The following PRRX1 variants were observed in gnomAD, a reference collection of about 807,000 sequenced individuals.
PRRX1 encodes paired related homeobox 1.
PRRX1 carries 8 observed loss-of-function variants against 24.0 expected under a neutral mutation model. That is an observed-to-expected ratio of 0.33 (90% confidence interval 0.20 to 0.60). The LOEUF is 0.60. PRRX1 is among the 20% of genes least tolerant of loss of function. The pLI, the probability that PRRX1 is intolerant of heterozygous loss-of-function variation, is 0.82. For missense variants in PRRX1, 281 were observed against 322.4 expected (o/e 0.87, Z 0.98); for synonymous variants, 160 against 131.7 (o/e 1.22, Z -1.47).
intron 1 of PRRX1, among the ~76,000 whole-genome samples, chr1:170,686,237 T>A (rs1323617875): frequency 6.7e-6 from 1 of 149,804 alleles, no homozygotes; most frequent in Non-Finnish European, 1.5e-5. Flanking sequence ...AAAAATACTG[T>A]CTGGTGAGTG....
intron 1 of PRRX1, among the ~76,000 whole-genome samples, chr1:170,676,714 C>A (rs1216340663): frequency 6.6e-6 from 1 of 151,934 alleles, no homozygotes; most frequent in East Asian, 1.9e-4. Flanking sequence ...CTGCTCTGAC[C>A]CCATTTTATT....
chr1:170,687,832 G>T (rs779147850), intron 1 of PRRX1, among the ~76,000 whole-genome samples: 8 of 152,044 alleles, frequency 5.3e-5, no homozygotes, highest in Non-Finnish European at 1.2e-4. Flanking sequence ...GGACACTTTA[G>T]GTAACTAAAA....
At chr1:170,667,951 G>A (rs186580412) in intron 1 of PRRX1, 56 of 152,218 alleles carry the variant, frequency 3.7e-4, no homozygotes, top group African/African-American at 1.2e-3. Context: ...ATTCTCTAAA[G>A]TGAGGGCTTC....
chr1:170,737,025 C>G lies in PRRX1; in HGVS notation c.*839C>G, dbSNP rs1476644243. On this transcript the variant is annotated 3_prime_UTR_variant, in exon 4 of 4. Transcript: ENST00000239461. ...ACTATTTGGTAGAAGAAATATTTTT[C>G]ACCTGAGAGAGGAAGAGAAATTTCT... The G allele has an allele frequency of 5.2e-6, 1 of 191,394 alleles. No homozygotes were observed. The allele number at this position is 191,394 out of a possible 1,614,324, so 11.9% of individuals were successfully genotyped here.
intron 1 of PRRX1, among the ~76,000 whole-genome samples, chr1:170,686,302 C>G (rs1653739803): frequency 6.6e-6 from 1 of 151,992 alleles, no homozygotes. Flanking sequence ...CCTAAGAGGG[C>G]AAGAGCAAGC....
chr1:170,707,344 T>G (rs973901031), intron 1 of PRRX1, among the ~76,000 whole-genome samples: 1 of 151,978 alleles, frequency 6.6e-6, no homozygotes, highest in Non-Finnish European at 1.5e-5. Flanking sequence ...CCAGCAGGGG[T>G]CTGCAGAACA....
chr1:170,726,549 C>A, intron 3 of PRRX1, 148 bp downstream of exon 3: 1 of 991,780 alleles, frequency 1.0e-6, no homozygotes, highest in Non-Finnish European at 1.5e-6. Flanking sequence ...CCCACATTTT[C>A]CCAGGAGATT....
chr1:170,697,747 T>C (rs149413991), intron 1 of PRRX1, among the ~76,000 whole-genome samples: 2,706 of 147,410 alleles, frequency 0.018, 80 homozygotes, highest in African/African-American at 0.063. Context: ...TATAAATATA[T>C]ATACATATAT....
chr1:170,732,472 T>C (rs1655464391), intron 3 of PRRX1, among the ~76,000 whole-genome samples: 1 of 152,160 alleles, frequency 6.6e-6, no homozygotes, highest in Non-Finnish European at 1.5e-5. Context: ...AATTCTGTCT[T>C]TTCTGACTTG....
intron 1 of PRRX1, among the ~76,000 whole-genome samples, chr1:170,704,842 G>T (rs528266546): frequency 5.5e-4 from 84 of 152,316 alleles, no homozygotes; most frequent in African/African-American, 1.8e-3. Flanking sequence ...TCTCCTTTTG[G>T]AAGGGGCATC....
At chr1:170,706,492 T>C (rs1654571043) in intron 1 of PRRX1, among the ~76,000 whole-genome samples, 1 of 152,172 alleles carries the variant, frequency 6.6e-6, no homozygotes, top group South Asian at 2.1e-4. Context: ...ATTCTCAAGA[T>C]CACATGACTT....
At chr1:170,695,096 G>C (rs513287) in intron 1 of PRRX1, among the ~76,000 whole-genome samples, 1 of 151,886 alleles carries the variant, frequency 6.6e-6, no homozygotes, top group South Asian at 2.1e-4. Context: ...CTAAATGTCC[G>C]TGAAGGCCTG....
chr1:170,735,948 C>A, intron 3 of PRRX1, 100 bp from the exon 4 acceptor site: 1 of 1,518,510 alleles, frequency 6.6e-7, no homozygotes, highest in African/African-American at 1.4e-5. Context: ...ATTGCCCCTG[C>A]CTGCCCCCAT....
At chr1:170,693,282 T>C (rs565524405) in intron 1 of PRRX1, among the ~76,000 whole-genome samples, 80 of 152,206 alleles carry the variant, frequency 5.3e-4, no homozygotes, top group Non-Finnish European at 9.9e-4. Flanking sequence ...GTAGAAAGGT[T>C]CTAAATATAC....
In PRRX1 at chr1:170,692,110, G is replaced by A. The variant is rs146528227; in HGVS notation, c.242-27616G>A. On this transcript the variant is annotated intron_variant, in intron 1 of 3. Coordinates refer to ENST00000239461, the MANE Select transcript of PRRX1 (RefSeq NM_022716.4). The stretch of plus-strand genomic sequence containing the variant: ...AATATCAAATGGAAAGTCATGCCAT[G>A]AGAGAGGAGCCAATTCCATAATAAA... 2.6e-3 allele frequency among the ~76,000 whole-genome samples: 403 copies of A among 152,194 alleles called. 2 individuals are homozygous for A. Among genetic ancestry groups the A allele is most frequent in the African/African-American group, 9.4e-3 (390 of 41,556 alleles).
intron 1 of PRRX1, among the ~76,000 whole-genome samples, chr1:170,682,161 C>T (rs1160072192): frequency 1.3e-5 from 2 of 151,914 alleles, no homozygotes; most frequent in Non-Finnish European, 1.5e-5. Context: ...AAGGGATGGC[C>T]CTTCTCTCTT....
At chr1:170,705,935 TACACACACACACAC>T (rs71125270) in intron 1 of PRRX1, among the ~76,000 whole-genome samples, 6 of 146,538 alleles carry the variant, frequency 4.1e-5, no homozygotes, top group African/African-American at 1.5e-4. Flanking sequence ...CACACACACA[TACACACACACACAC>T]ACACACACAC....
chr1:170,728,957 T>A lies in PRRX1; in HGVS notation c.599+2556T>A, dbSNP rs569249441. 6 of 152,374 alleles carry A rather than the reference T, an allele frequency of 3.9e-5. No individual in the cohort carries two copies. In the South Asian group the frequency reaches 1.0e-3, roughly 26 times the overall value. 9.4% of individuals were successfully genotyped at this position (152,374 alleles called of 1,614,324 possible). On this transcript the variant is annotated intron_variant, in intron 3 of 3. Transcript: ENST00000239461. ...CTCACTGTTCTTGTTGGTACTATTA[T>A]GTCAAGTTAGTTATCTCACATGTGA...
At chr1:170,693,812 A>C (rs1654070364) in intron 1 of PRRX1, among the ~76,000 whole-genome samples, 1 of 152,078 alleles carries the variant, frequency 6.6e-6, no homozygotes, top group Admixed American at 6.6e-5. Context: ...TTCTCTAAGA[A>C]ATCTGATCCG....
Sources: allele counts gnomAD v4.1 joint callset (sites outside exome capture counted in the v4.1 genomes callset), GRCh38; gene constraint gnomAD v4.1.1; transcripts MANE v1.5; gene names NCBI Gene and HGNC (gene_info 2026-07-23, HGNC 2026-07-21).